Variants in PPM1B observed in about 807,000 individuals in gnomAD.
PPM1B encodes the protein protein phosphatase 1B.
Under a neutral mutation model 43.0 loss-of-function variants are expected in PPM1B, and 22 were observed. The observed-to-expected ratio is 0.51, with a 90% CI of 0.37 to 0.73. The LOEUF (loss-of-function observed/expected upper bound fraction) is 0.73. Ranked by LOEUF, PPM1B falls within the 30% of genes least tolerant of loss-of-function variation. The pLI is 0.00. For missense variants in PPM1B, 632 were observed against 584.2 expected (o/e 1.08, Z -0.84); for synonymous variants, 217 against 197.9 (o/e 1.10, Z -0.81).
intron 1 of PPM1B, among the ~76,000 whole-genome samples, chr2:44,188,751 C>CTTCCTTCCTTCT (rs1668252715): frequency 1.3e-5 from 2 of 148,336 alleles, no homozygotes; most frequent in African/African-American, 5.0e-5. Flanking sequence ...TCCTTCCTTC[C>CTTCCTTCCTTCT]TTCCTTCCTT....
downstream of PPM1B, chr2:44,231,566 T>A: frequency 1.5e-6 from 1 of 651,166 alleles, no homozygotes; most frequent in Non-Finnish European, 1.9e-6. Context: ...TGTATTTATA[T>A]AACATTTAGA....
At chr2:44,232,690 TTA>T (rs147525359), downstream of PPM1B, 827 of 1,042,352 alleles carry the variant, frequency 7.9e-4, 5 homozygotes, top group African/African-American at 0.013. Flanking sequence ...TGAAAATACA[TTA>T]TGTTTTTTTT....
intron 1 of PPM1B, among the ~76,000 whole-genome samples, chr2:44,178,086 T>A (rs1667673763): frequency 1.3e-5 from 2 of 151,646 alleles, no homozygotes; most frequent in African/African-American, 2.4e-5. Flanking sequence ...TCTGGCTAAT[T>A]TTTGTGTTTT....
At chr2:44,192,100 T>C (rs558237632) in intron 1 of PPM1B, among the ~76,000 whole-genome samples, 38 of 152,170 alleles carry the variant, frequency 2.5e-4, no homozygotes, top group African/African-American at 7.7e-4. Flanking sequence ...CTTTTGATTT[T>C]TTTTTTTTCA....
At chr2:44,242,595 T>C (rs10167454) in intron 5 of PPM1B, among the ~76,000 whole-genome samples, 36,415 of 152,120 alleles carry the variant, frequency 0.24, 5,561 homozygotes, top group African/African-American at 0.43. Context: ...CAAGAGTAGC[T>C]ATGTTTTTCA....
chr2:44,228,187 CTTTTT>C (rs372577752), intron 5 of PPM1B, among the ~76,000 whole-genome samples: 2 of 115,176 alleles, frequency 1.7e-5, no homozygotes, highest in Non-Finnish European at 3.4e-5. Context: ...CTAACAAGCC[CTTTTT>C]TTTTTTTTTT....
chr2:44,236,440 T>C (rs1405887939), downstream of PPM1B, among the ~76,000 whole-genome samples: 3 of 104,850 alleles, frequency 2.9e-5, no homozygotes, highest in Non-Finnish European at 4.5e-5. Context: ...TGTAATGAAC[T>C]GGTCTTCCTA....
chr2:44,232,390 A>C (rs768653132), downstream of PPM1B: 5 of 1,594,826 alleles, frequency 3.1e-6, no homozygotes, highest in Middle Eastern at 5.0e-4. Flanking sequence ...AAATTGGGGG[A>C]AAAAACTTTT....
At chr2:44,214,084 G>A (rs1168232709) in intron 3 of PPM1B, among the ~76,000 whole-genome samples, 1 of 152,048 alleles carries the variant, frequency 6.6e-6, no homozygotes, top group Non-Finnish European at 1.5e-5. Context: ...CAACCATAGA[G>A]TTTTTTGTTT....
At chr2:44,188,833 C>T (rs1367476051) in intron 1 of PPM1B, among the ~76,000 whole-genome samples, 1 of 150,270 alleles carries the variant, frequency 6.7e-6, no homozygotes, top group Non-Finnish European at 1.5e-5. Context: ...ACCTCCTCCC[C>T]CTCCCGCTCT....
At chr2:44,245,113 AAC>A (rs1324528978), downstream of PPM1B, among the ~76,000 whole-genome samples, 7 of 151,812 alleles carry the variant, frequency 4.6e-5, no homozygotes, top group Non-Finnish European at 1.0e-4. Flanking sequence ...TCACACCAAA[AAC>A]ACACACACAC....
At chr2:44,233,059 A>C (rs754565143), downstream of PPM1B, 4 of 981,732 alleles carry the variant, frequency 4.1e-6, no homozygotes, top group East Asian at 4.5e-4. Flanking sequence ...ATTTATGGCT[A>C]TTTATAATTT....
At chr2:44,177,276 T>C (rs1667624556) in intron 1 of PPM1B, among the ~76,000 whole-genome samples, 1 of 152,192 alleles carries the variant, frequency 6.6e-6, no homozygotes, top group African/African-American at 2.4e-5. Context: ...AAAAAAATTA[T>C]CTCTTGTAAC....
intron 1 of PPM1B, among the ~76,000 whole-genome samples, chr2:44,175,764 A>C (rs1667553453): frequency 6.6e-6 from 1 of 151,724 alleles, no homozygotes; most frequent in Non-Finnish European, 1.5e-5. Context: ...GTTGTGCCTT[A>C]GAGAAAGACA....
At chr2:44,215,405 C>G (rs1010974617) in intron 3 of PPM1B, among the ~76,000 whole-genome samples, 3 of 151,946 alleles carry the variant, frequency 2.0e-5, no homozygotes, top group African/African-American at 7.2e-5. Context: ...TTACAGTGAG[C>G]TATGATGGCA....
chr2:44,169,636 T>C (rs1168259149), intron 1 of PPM1B, among the ~76,000 whole-genome samples: 1 of 152,262 alleles, frequency 6.6e-6, no homozygotes, highest in East Asian at 1.9e-4. Flanking sequence ...GCCTTGGCGC[T>C]TCTCTTCCTG....
At chr2:44,187,301 C>T (rs1323411431) in intron 1 of PPM1B, among the ~76,000 whole-genome samples, 2 of 151,978 alleles carry the variant, frequency 1.3e-5, no homozygotes, top group Non-Finnish European at 2.9e-5. Context: ...TTTGTTTATC[C>T]ATTCGTTTGT....
intron 1 of PPM1B, among the ~76,000 whole-genome samples, chr2:44,191,282 CG>C (rs1558399574): frequency 6.6e-6 from 1 of 152,062 alleles, no homozygotes; most frequent in African/African-American, 2.4e-5. Flanking sequence ...GGAGTGATCT[CG>C]GCTCACTGCA....
In PPM1B at chr2:44,217,972, A is replaced by G; in HGVS notation, c.970A>G (p.Met324Val). The G allele has an allele frequency of 6.3e-7, 1 of 1,596,238 alleles. No homozygotes were observed. The highest frequency in any genetic ancestry group is 1.4e-5 in the African/African-American group (1 of 73,872). ...KHLESRVEEI[M>V]EKSGEEGMPD... Reference sequence around the variant, plus strand: ...TTTTTTTAAAAAACCTACAGAGATTATGGAGAAGTCTGGCGAGGAAGGAAT... The same window carrying G: ...TTTTTTTAAAAAACCTACAGAGATTGTGGAGAAGTCTGGCGAGGAAGGAAT... Residue 324 changes from methionine (M) to valine (V), a missense_variant, in exon 4 of 6, where the codon ATG becomes GTG. Around this residue, in one of 3 missense-constraint regions of PPM1B, gnomAD observed 392 missense variants for 302.7 expected, o/e 1.29. Coordinates refer to ENST00000282412, the MANE Select transcript of PPM1B (RefSeq NM_002706.6).
Sources: allele counts gnomAD v4.1 joint callset (sites outside exome capture counted in the v4.1 genomes callset), GRCh38; gene constraint gnomAD v4.1.1; regional missense constraint gnomAD v4.1.1; transcripts MANE v1.5; gene names NCBI Gene and HGNC (gene_info 2026-07-23, HGNC 2026-07-21).